Variants in RPTOR observed in about 807,000 individuals in gnomAD.
RPTOR encodes regulatory-associated protein of mTOR.
RPTOR carries 21 observed loss-of-function variants against 169.9 expected under a neutral mutation model. The ratio of observed to expected loss-of-function variants is 0.12; its 90% CI spans 0.09 to 0.18. RPTOR has a LOEUF of 0.18. Ranked by LOEUF, RPTOR falls within the 10% of genes least tolerant of loss-of-function variation. The probability of loss-of-function intolerance (pLI) is 1.00; values close to 1 mark genes in which losing one functional copy is unlikely to be tolerated. For synonymous variants in RPTOR, 732 were observed against 753.2 expected (o/e 0.97, Z 0.46); for missense variants, 1,133 against 1,855.9 (o/e 0.61, Z 7.16).
intron 1 of RPTOR, among the ~76,000 whole-genome samples, chr17:80,613,007 G>C (rs1286360016): frequency 6.6e-6 from 1 of 152,228 alleles, no homozygotes; most frequent in African/African-American, 2.4e-5. Context: ...TAGTCCGTCA[G>C]CATCAGCGTC....
intron 1 of RPTOR, among the ~76,000 whole-genome samples, chr17:80,555,077 G>A (rs1360638015): frequency 6.6e-6 from 1 of 152,170 alleles, no homozygotes; most frequent in Non-Finnish European, 1.5e-5. Context: ...CCGTAAAGGG[G>A]CCCTGCTGCC....
chr17:80,656,058 A>G (rs2143635200), intron 3 of RPTOR, among the ~76,000 whole-genome samples: 1 of 152,176 alleles, frequency 6.6e-6, no homozygotes, highest in South Asian at 2.1e-4. Context: ...TGAAAGCAGC[A>G]TATTGGGTCA....
At chr17:80,606,765 C>T (rs1161738253) in intron 1 of RPTOR, among the ~76,000 whole-genome samples, 1 of 151,788 alleles carries the variant, frequency 6.6e-6, no homozygotes, top group Non-Finnish European at 1.5e-5. Flanking sequence ...AACCACCTAC[C>T]TACCCTTCCG....
chr17:80,822,422 T>C, intron 8 of RPTOR, 121 bp downstream of exon 8: 1 of 966,652 alleles, frequency 1.0e-6, no homozygotes, highest in Non-Finnish European at 1.6e-6. Flanking sequence ...AGGAAGACAG[T>C]GGGAGGGGCT....
rs149716570 is a variant in RPTOR at position 80,803,011 on chromosome 17, G to T, written c.890+11502G>T. On this transcript the variant is annotated intron_variant, in intron 7 of 33. Transcript: ENST00000306801. The surrounding 1 kb of genome is among the most constrained non-coding windows in gnomAD (Gnocchi z 6.2). ...GTCTGTTGCTCCAGCTCCATTGCCC[G>T]CACGGCCCTTCGGTTCCTCACAACC... The T allele has an allele frequency of 2.6e-5, 4 of 152,506 alleles. No homozygotes were observed. The highest frequency in any genetic ancestry group is 9.7e-5 in the African/African-American group (4 of 41,442). The allele number at this position is 152,506 out of a possible 1,614,324, so 9.4% of individuals were successfully genotyped here.
chr17:80,596,561 A>C (rs568595345), intron 1 of RPTOR, among the ~76,000 whole-genome samples: 1 of 152,052 alleles, frequency 6.6e-6, no homozygotes, highest in Non-Finnish European at 1.5e-5. Context: ...AAGGATACCA[A>C]GGTTTCTATT....
chr17:80,546,305 C>G (rs1164546956), intron 1 of RPTOR, among the ~76,000 whole-genome samples: 1 of 152,192 alleles, frequency 6.6e-6, no homozygotes, highest in Non-Finnish European at 1.5e-5. Context: ...TTCTAGTCTT[C>G]TAAACAATTT....
intron 6 of RPTOR, among the ~76,000 whole-genome samples, chr17:80,768,417 C>G: frequency 6.6e-6 from 1 of 152,192 alleles, no homozygotes; most frequent in African/African-American, 2.4e-5. Flanking sequence ...ACAGAGTATC[C>G]TTTTAACATA....
intron 6 of RPTOR, among the ~76,000 whole-genome samples, chr17:80,776,159 A>C (rs920774799): frequency 2.0e-5 from 3 of 152,100 alleles, no homozygotes; most frequent in African/African-American, 7.2e-5. Flanking sequence ...TGATTGTGCC[A>C]CTGTACTCTA....
intron 1 of RPTOR, among the ~76,000 whole-genome samples, chr17:80,613,615 A>G (rs1040766307): frequency 1.3e-5 from 2 of 149,872 alleles, no homozygotes; most frequent in Non-Finnish European, 2.9e-5. Flanking sequence ...TTGTGTGGAC[A>G]CAGGTGCTCT....
chr17:80,964,391 G>A lies in RPTOR; in HGVS notation c.*61G>A, dbSNP rs1011056847. On this transcript the variant is annotated 3_prime_UTR_variant, in exon 34 of 34. Coordinates refer to ENST00000306801, the MANE Select transcript of RPTOR (RefSeq NM_020761.3). ...GCTGTACATAGTGAAGCTGTCACTC[G>A]CCGGGGCACGGGGCGTCGGCTGCTG... is the stretch of plus-strand genomic sequence containing the variant. The A allele has an allele frequency of 2.4e-5, 38 of 1,551,408 alleles. No homozygotes were observed. Among genetic ancestry groups the A allele is most frequent in the African/African-American group, 2.4e-4 (18 of 73,992 alleles).
At chr17:80,679,149 A>G (rs1224210263) in intron 3 of RPTOR, among the ~76,000 whole-genome samples, 1 of 152,240 alleles carries the variant, frequency 6.6e-6, no homozygotes, top group African/African-American at 2.4e-5. Flanking sequence ...AGGCTGAGGC[A>G]GGAGAATTGC....
chr17:80,964,202 C>CCCCCCCCCCCCTGTGT, intron 33 of RPTOR, 60 bp from the exon 34 acceptor site: 1 of 1,224,848 alleles, frequency 8.2e-7, no homozygotes, highest in Non-Finnish European at 1.2e-6. Flanking sequence ...TGCGCCCCCC[C>CCCCCCCCCCCCTGTGT]GCCCCCCGCA....
chr17:80,572,908 G>A (rs2064922906), intron 1 of RPTOR, among the ~76,000 whole-genome samples: 1 of 152,202 alleles, frequency 6.6e-6, no homozygotes, highest in Admixed American at 6.5e-5. Flanking sequence ...TTGATGGCAT[G>A]AAGTTAATCT....
At position 80,823,179 on chromosome 17, in the gene RPTOR, C is replaced by G; in HGVS notation, c.1092C>G (p.Pro364=). The stretch of plus-strand genomic sequence containing the variant: ...TTATGAGGTCGTATAACTGCACTCC[C>G]GTCAGCAGCCCGCGTCTGCCGCCCA... ...ERIMRSYNCT[P]VSSPRLPPTY... is the part of the protein sequence containing the mutation. The change falls in exon 9 of 34, where the codon CCC becomes CCG. Residue 364 remains proline (P), a synonymous_variant. Transcript: ENST00000306801. This position sits in a 1 kb window ranked among gnomAD's most constrained non-coding sequence, Gnocchi z 4.5. 6.2e-7 allele frequency: 1 copy of G among 1,614,156 alleles called. No individual in the cohort carries two copies. Among genetic ancestry groups the G allele is most frequent in the South Asian group, 1.1e-5 (1 of 91,076 alleles).
At chr17:80,904,293 AG>A (rs2068513995) in intron 20 of RPTOR, among the ~76,000 whole-genome samples, 1 of 152,202 alleles carries the variant, frequency 6.6e-6, no homozygotes, top group Admixed American at 6.5e-5. Context: ...AGGATGGCAG[AG>A]GGTCTTGGCC....
At chr17:80,916,336 G>A (rs1247785205) in intron 21 of RPTOR, among the ~76,000 whole-genome samples, 1 of 152,230 alleles carries the variant, frequency 6.6e-6, no homozygotes, top group East Asian at 1.9e-4. Context: ...AGATGTTGAA[G>A]CTGCTTGTAG....
chr17:80,935,066 T>C (rs1411610797), intron 24 of RPTOR, among the ~76,000 whole-genome samples: 1 of 151,064 alleles, frequency 6.6e-6, no homozygotes, highest in Non-Finnish European at 1.5e-5. Flanking sequence ...TGTATTTCCA[T>C]ATGAGCAATT....
At chr17:80,945,121 C>T (rs2144051187) in intron 25 of RPTOR, among the ~76,000 whole-genome samples, 1 of 151,660 alleles carries the variant, frequency 6.6e-6, no homozygotes, top group Admixed American at 6.6e-5. Flanking sequence ...CAGTAAGACC[C>T]TGTCTCAACA....
Sources: allele counts gnomAD v4.1 joint callset (sites outside exome capture counted in the v4.1 genomes callset), GRCh38; gene constraint gnomAD v4.1.1; non-coding constraint Gnocchi (gnomAD v3.1); transcripts MANE v1.5; gene names NCBI Gene and HGNC (gene_info 2026-07-23, HGNC 2026-07-21).